NTRK2: variants seen among roughly 807,000 people sequenced by gnomAD.
The protein encoded by NTRK2 is BDNF/NT-3 growth factors receptor.
NTRK2 carries 13 observed loss-of-function variants against 94.5 expected under a neutral mutation model. The observed-to-expected ratio is 0.14, with a 90% CI of 0.09 to 0.22. The LOEUF (loss-of-function observed/expected upper bound fraction) is 0.22. Among genes scored for constraint, NTRK2 ranks in the 10% least tolerant of loss-of-function variants. NTRK2 has a pLI of 1.00. For missense variants in NTRK2, 639 were observed against 1,071.2 expected (o/e 0.60, Z 5.63); for synonymous variants, 372 against 407.4 (o/e 0.91, Z 1.05).
chr9:84,806,298 G>A (rs1201269514), intron 12 of NTRK2, among the ~76,000 whole-genome samples: 1 of 152,216 alleles, frequency 6.6e-6, no homozygotes, highest in Non-Finnish European at 1.5e-5. Context: ...GGTACTTGCA[G>A]GAGAAGGCTT....
chr9:84,715,954 C>T (rs1426943519), intron 6 of NTRK2, among the ~76,000 whole-genome samples: 1 of 152,068 alleles, frequency 6.6e-6, no homozygotes. Context: ...CTGAGAGCTT[C>T]TTCAGCAAGT....
intron 14 of NTRK2, among the ~76,000 whole-genome samples, chr9:84,881,211 A>C (rs1442414614): frequency 6.6e-6 from 1 of 152,222 alleles, no homozygotes; most frequent in East Asian, 1.9e-4. Flanking sequence ...AAATTTTCCC[A>C]ATGAGAGGAG....
intron 12 of NTRK2, among the ~76,000 whole-genome samples, chr9:84,780,044 G>GTTT (rs766257033): frequency 6.7e-6 from 1 of 148,872 alleles, no homozygotes; most frequent in Non-Finnish European, 1.5e-5. Context: ...GGACTCTGCG[G>GTTT]TTTTTTTTTT....
At chr9:84,813,953 T>A in intron 12 of NTRK2, 1 of 1,065,388 alleles carries the variant, frequency 9.4e-7, no homozygotes, top group Non-Finnish European at 1.1e-6. Context: ...GCATCCACCG[T>A]CATCACATGA....
At chr9:84,705,357 G>A (rs1354256343) in intron 4 of NTRK2, among the ~76,000 whole-genome samples, 1 of 152,232 alleles carries the variant, frequency 6.6e-6, no homozygotes, top group Non-Finnish European at 1.5e-5. Context: ...GGACTTTGCA[G>A]AGGTGCTAAT....
intron 17 of NTRK2, among the ~76,000 whole-genome samples, chr9:84,984,257 G>A (rs1167903724): frequency 6.6e-6 from 1 of 152,104 alleles, no homozygotes; most frequent in Non-Finnish European, 1.5e-5. Flanking sequence ...CAGATTACCT[G>A]AGGTCAGGAG....
chr9:84,924,228 G>GAAAGAAAGAAAGA (rs1564468564), intron 14 of NTRK2, among the ~76,000 whole-genome samples: 10 of 92,426 alleles, frequency 1.1e-4, no homozygotes, highest in African/African-American at 3.7e-4. Flanking sequence ...AAGAAAGAAA[G>GAAAGAAAGAAAGA]TAGAAAGAAA....
At chr9:84,818,241 A>G (rs2072550224) in intron 12 of NTRK2, among the ~76,000 whole-genome samples, 1 of 152,208 alleles carries the variant, frequency 6.6e-6, no homozygotes, top group Non-Finnish European at 1.5e-5. Flanking sequence ...GGCTGTCTGT[A>G]AAGCTGGTGC....
At chr9:84,818,618 C>T (rs2072578838) in intron 12 of NTRK2, among the ~76,000 whole-genome samples, 1 of 152,140 alleles carries the variant, frequency 6.6e-6, no homozygotes, top group South Asian at 2.1e-4. Context: ...ATTAGTTAAC[C>T]CCAGAGCACG....
intron 17 of NTRK2, among the ~76,000 whole-genome samples, chr9:85,004,502 C>T (rs115316088): frequency 1.6e-3 from 243 of 152,208 alleles, no homozygotes; most frequent in African/African-American, 5.5e-3. Flanking sequence ...TAGATATTAA[C>T]CAGTTAATAG....
intron 12 of NTRK2, among the ~76,000 whole-genome samples, chr9:84,852,481 T>C (rs1016957875): frequency 6.6e-6 from 1 of 152,208 alleles, no homozygotes; most frequent in Non-Finnish European, 1.5e-5. Flanking sequence ...GATATGACTT[T>C]CTCACGTCTG....
At chr9:84,817,249 G>A (rs1233939460) in intron 12 of NTRK2, among the ~76,000 whole-genome samples, 2 of 152,176 alleles carry the variant, frequency 1.3e-5, no homozygotes, top group African/African-American at 2.4e-5. Context: ...GCATATCTTG[G>A]TCATATGCAG....
chr9:85,010,806 C>A (rs567639848), intron 17 of NTRK2, among the ~76,000 whole-genome samples: 1 of 152,270 alleles, frequency 6.6e-6, no homozygotes, highest in African/African-American at 2.4e-5. Context: ...TTTACTTGCT[C>A]CCCATTAGAG....
At chr9:84,952,410 C>G (rs1029897393) in intron 16 of NTRK2, among the ~76,000 whole-genome samples, 3 of 152,222 alleles carry the variant, frequency 2.0e-5, no homozygotes, top group Non-Finnish European at 4.4e-5. Flanking sequence ...CTGCTACTTG[C>G]TTCCCAAGCC....
rs187164068 is a variant in NTRK2, at chr9:84,869,153, A to G, written c.1633+1722A>G. On this transcript the variant is annotated intron_variant, in intron 14 of 18. Transcript: ENST00000277120. ...TTCCCTTAGAAATTCAGAAAGAAAG[A>G]TTTCAAAGGTTATTTCCTTAATCTG... Among the ~76,000 whole-genome samples, 209 of 152,288 alleles carry G rather than the reference A, an allele frequency of 1.4e-3. 2 individuals are homozygous for G. The highest frequency in any genetic ancestry group is 3.7e-3 in the African/African-American group (153 of 41,564).
At position 84,732,188 on chromosome 9, in the gene NTRK2, CT is replaced by C. The variant is rs138012109; in HGVS notation, c.1159+4230del. 4.3e-3 allele frequency among the ~76,000 whole-genome samples: 657 copies of C among 152,288 alleles called. 7 individuals carry two copies. The highest frequency in any genetic ancestry group is 0.015 in the African/African-American group (633 of 41,564). ...AAGAGTACAACTTGTGACAATCAGA[CT>C]ACAGGAGTTTTATGTTACTTTTGTT... On this transcript the variant is annotated intron_variant, in intron 9 of 18. Transcript: ENST00000277120.
chr9:84,738,330 T>C (rs2063397510), intron 9 of NTRK2, among the ~76,000 whole-genome samples: 1 of 148,134 alleles, frequency 6.8e-6, no homozygotes, highest in Non-Finnish European at 1.5e-5. Flanking sequence ...TTCTCATAGC[T>C]AGTGTTTGTC....
At chr9:84,929,356 C>T (rs187180909) in intron 14 of NTRK2, among the ~76,000 whole-genome samples, 1 of 152,254 alleles carries the variant, frequency 6.6e-6, no homozygotes, top group Admixed American at 6.5e-5. Context: ...CTGAAAAATT[C>T]CATCAGTGAC....
At chr9:84,795,136 G>A (rs1219981349) in intron 12 of NTRK2, among the ~76,000 whole-genome samples, 1 of 152,184 alleles carries the variant, frequency 6.6e-6, no homozygotes, top group Non-Finnish European at 1.5e-5. Context: ...GGCAAGTTCA[G>A]GGATCTATCT....
Sources: allele counts gnomAD v4.1 joint callset (sites outside exome capture counted in the v4.1 genomes callset), GRCh38; gene constraint gnomAD v4.1.1; transcripts MANE v1.5; gene names NCBI Gene and HGNC (gene_info 2026-07-23, HGNC 2026-07-21).